The following GPBP1L1 variants were observed in gnomAD, a reference collection of about 807,000 sequenced individuals.
The protein encoded by GPBP1L1 is vasculin-like protein 1.
A neutral mutation model predicts 52.5 loss-of-function variants in GPBP1L1; 23 were observed. The ratio of observed to expected loss-of-function variants is 0.44; its 90% CI spans 0.32 to 0.62. The LOEUF (loss-of-function observed/expected upper bound fraction) is 0.62, where lower values mean the gene tolerates loss of function less well. Among genes scored for constraint, GPBP1L1 ranks in the 20% least tolerant of loss-of-function variants. The pLI is 0.06. For synonymous variants in GPBP1L1, 243 were observed against 203.1 expected, an observed-to-expected ratio of 1.20 and a Z score of -1.67; for missense variants, 596 against 579.3, an observed-to-expected ratio of 1.03 and a Z score of -0.30.
chr1:45,628,127 G>A lies in GPBP1L1; in HGVS notation c.*129C>T, dbSNP rs1644481203. 2 of 900,630 alleles carry A rather than the reference G, an allele frequency of 2.2e-6. No homozygotes were observed. The highest frequency in any genetic ancestry group is 1.7e-6 in the Non-Finnish European group (1 of 581,976). 55.8% of individuals were successfully genotyped at this position (900,630 alleles called of 1,614,324 possible). ...AAACAAGCCAATTGCTCTCTCTTTG[G>A]GATATGATTATTTCCCTTGTGAATG... is the stretch of plus-strand genomic sequence containing the variant. On this transcript the variant is annotated 3_prime_UTR_variant, in exon 13 of 13. Coordinates refer to ENST00000355105, the MANE Select transcript of GPBP1L1 (RefSeq NM_021639.5).
At chr1:45,633,991 T>C (rs1644562924) in intron 9 of GPBP1L1, 105 bp downstream of exon 9, 4 of 1,236,456 alleles carry the variant, frequency 3.2e-6, no homozygotes, top group Non-Finnish European at 4.5e-6. Flanking sequence ...CTCAGCTAAA[T>C]ATAGCTACAA....
intron 6 of GPBP1L1, chr1:45,654,305 A>C: frequency 2.6e-6 from 1 of 380,686 alleles, no homozygotes; most frequent in Non-Finnish European, 4.7e-6. Context: ...AAGAGAAATT[A>C]AATATTTTTC....
chr1:45,682,315 T>C (rs752021370), intron 2 of GPBP1L1, among the ~76,000 whole-genome samples: 14 of 152,190 alleles, frequency 9.2e-5, no homozygotes, highest in Non-Finnish European at 1.9e-4. Context: ...CAATTTAAAG[T>C]ATAGCTAAAC....
At chr1:45,678,299 C>A (rs1645171168) in intron 2 of GPBP1L1, among the ~76,000 whole-genome samples, 1 of 152,204 alleles carries the variant, frequency 6.6e-6, no homozygotes, top group African/African-American at 2.4e-5. Flanking sequence ...ATATAAATTA[C>A]AGCTCAATGA....
At chr1:45,640,134 CA>C in intron 8 of GPBP1L1, 75 bp downstream of exon 8, 1 of 1,216,600 alleles carries the variant, frequency 8.2e-7, no homozygotes, top group Non-Finnish European at 1.2e-6. Context: ...CAAGAAAAAA[CA>C]AATTTATTAA....
In GPBP1L1 at chr1:45,673,556, C is replaced by A. The variant is rs917788260; in HGVS notation, c.-1098+12020G>T. Among the ~76,000 whole-genome samples, 3 of 152,204 alleles carry A rather than the reference C, an allele frequency of 2.0e-5. No individual in the cohort carries two copies. The East Asian group carries it at 5.8e-4, about 29-fold the overall frequency. On this transcript the variant is annotated intron_variant, in intron 2 of 12. Transcript: ENST00000355105. ...CTGACTGTGGTTGAAAGATACACAA[C>A]CATGCTTTTAAATATTTGTTTTCGG...
intron 4 of GPBP1L1, among the ~76,000 whole-genome samples, chr1:45,656,898 T>C (rs1031717986): frequency 1.3e-5 from 2 of 152,018 alleles, no homozygotes; most frequent in Non-Finnish European, 2.9e-5. Flanking sequence ...CTGCCCAAGC[T>C]GGTCTCAAAC....
At chr1:45,642,640 C>T (rs1016385818) in intron 6 of GPBP1L1, 141 bp from the exon 7 acceptor site, 4 of 654,324 alleles carry the variant, frequency 6.1e-6, no homozygotes, top group Non-Finnish European at 1.1e-5. Context: ...ACACTGTATT[C>T]AGAAACGTAA....
intron 2 of GPBP1L1, among the ~76,000 whole-genome samples, chr1:45,661,427 T>A (rs1030805407): frequency 1.3e-5 from 2 of 152,096 alleles, no homozygotes; most frequent in East Asian, 3.8e-4. Flanking sequence ...TTTTAAGGAT[T>A]TGAGAAAAGT....
At chr1:45,629,454 TC>T (rs374490837) in intron 12 of GPBP1L1, 121 bp downstream of exon 12, 1,725 of 117,386 alleles carry the variant, frequency 0.015, 36 homozygotes, top group African/African-American at 0.038. Flanking sequence ...ACTAAGGTAA[TC>T]CCCCCCCCCC....
At chr1:45,658,564 C>T (rs552914560) in intron 4 of GPBP1L1, among the ~76,000 whole-genome samples, 1 of 152,318 alleles carries the variant, frequency 6.6e-6, no homozygotes, top group East Asian at 1.9e-4. Flanking sequence ...TACTTACATC[C>T]TTCTAACAGA....
rs763469056 is a variant in GPBP1L1 at position 45,655,214 on chromosome 1, T to C, written c.166A>G (p.Asn56Asp). 2.7e-5 allele frequency: 43 copies of C among 1,614,030 alleles called. No individual in the cohort carries two copies. The East Asian group carries it at 8.7e-4, about 33-fold the overall frequency. ...RHNSSDGFFN[N>D]GPLRTAGDSW... The stretch of plus-strand genomic sequence containing the variant: ...CCTCCTGCAGTTCGTAGGGGACCAT[T>C]GTTAAAAAAACCATCAGAGGAATTA... The change falls in exon 5 of 13, where the codon AAT becomes GAT. Residue 56 changes from asparagine (N) to aspartate (D), a missense_variant. Physicochemically the swap from Asn to Asp is conservative, Grantham distance 23. Transcript: ENST00000355105.
At chr1:45,636,506 C>T (rs1173649617) in intron 8 of GPBP1L1, among the ~76,000 whole-genome samples, 1 of 152,188 alleles carries the variant, frequency 6.6e-6, no homozygotes, top group Non-Finnish European at 1.5e-5. Flanking sequence ...CATTCACTTT[C>T]ACATACCAGC....
chr1:45,655,134 G>A lies in GPBP1L1; in HGVS notation c.190+56C>T, dbSNP rs1187865601. ...GATTACAGACATGTACCCACAGCCTGGGCTTGTCCTAAATGAGTAGCTTAA... is the reference window on the plus strand; with the variant it reads ...GATTACAGACATGTACCCACAGCCTAGGCTTGTCCTAAATGAGTAGCTTAA... On this transcript the variant is annotated intron_variant, in intron 5 of 12. Coordinates refer to ENST00000355105, the MANE Select transcript of GPBP1L1 (RefSeq NM_021639.5). The A allele has an allele frequency of 7.5e-6, 12 of 1,605,384 alleles. No individual in the cohort carries two copies. In the Admixed American group the frequency reaches 2.0e-4, roughly 27 times the overall value.
intron 10 of GPBP1L1, among the ~76,000 whole-genome samples, chr1:45,633,132 C>G (rs1317625700): frequency 6.6e-6 from 1 of 152,150 alleles, no homozygotes; most frequent in African/African-American, 2.4e-5. Flanking sequence ...ATGCTCTTAC[C>G]ATATGATCCA....
chr1:45,679,728 T>C (rs561864165), intron 2 of GPBP1L1, among the ~76,000 whole-genome samples: 1 of 152,054 alleles, frequency 6.6e-6, no homozygotes. Context: ...TGTGCCTTCT[T>C]CTACTTCATT....
At chr1:45,654,906 G>A (rs1644865963) in intron 5 of GPBP1L1, 77 bp from the exon 6 acceptor site, 1 of 1,365,972 alleles carries the variant, frequency 7.3e-7, no homozygotes, top group South Asian at 1.4e-5. Flanking sequence ...AAGGCCTTCA[G>A]GAGACCTCGT....
At chr1:45,687,077 G>A (rs1645299649), upstream of GPBP1L1, 1 of 152,368 alleles carries the variant, frequency 6.6e-6, no homozygotes, top group African/African-American at 2.4e-5. Context: ...TCTCGTGTGC[G>A]CGTCGTTGAG....
At chr1:45,633,700 G>C (rs1569756289) in intron 9 of GPBP1L1, 53 bp from the exon 10 acceptor site, 1 of 1,570,042 alleles carries the variant, frequency 6.4e-7, no homozygotes, top group East Asian at 2.3e-5. Context: ...CAAGAACTGG[G>C]GTTCTCTTCT....
Sources: allele counts gnomAD v4.1 joint callset (sites outside exome capture counted in the v4.1 genomes callset), GRCh38; gene constraint gnomAD v4.1.1; transcripts MANE v1.5; gene names NCBI Gene and HGNC (gene_info 2026-07-23, HGNC 2026-07-21).